Variants in CPEB1 observed in about 807,000 individuals in gnomAD.
CPEB1 encodes the protein cytoplasmic polyadenylation element binding protein 1.
In CPEB1, 7 loss-of-function variants were observed where a neutral mutation model predicts 65.8. That is an observed-to-expected ratio of 0.11 (90% CI 0.06 to 0.20). The LOEUF is 0.20. CPEB1 is among the 10% of genes least tolerant of loss of function. CPEB1 has a pLI of 1.00. For synonymous variants in CPEB1, 262 were observed against 260.0 expected, an observed-to-expected ratio of 1.01 and a Z score of -0.08; for missense variants, 551 against 712.2, an observed-to-expected ratio of 0.77 and a Z score of 2.58.
At chr15:82,588,596 C>A (rs1240100439) in intron 3 of CPEB1, among the ~76,000 whole-genome samples, 2 of 152,108 alleles carry the variant, frequency 1.3e-5, no homozygotes, top group Non-Finnish European at 2.9e-5. Context: ...CAGGCTGCTT[C>A]TAGTAGTTTT....
intron 2 of CPEB1, chr15:82,628,154 A>G: frequency 7.2e-6 from 5 of 697,880 alleles, no homozygotes; most frequent in South Asian, 6.0e-5. Context: ...CAATGCCATC[A>G]TTGTTACAGA....
At chr15:82,589,294 GCTGA>G (rs1282404735) in intron 3 of CPEB1, among the ~76,000 whole-genome samples, 1 of 152,184 alleles carries the variant, frequency 6.6e-6, no homozygotes, top group African/African-American at 2.4e-5. Flanking sequence ...TCTCTACATG[GCTGA>G]CTACTTGTTA....
chr15:82,613,690 A>T (rs1292023830), intron 3 of CPEB1, among the ~76,000 whole-genome samples: 1 of 152,206 alleles, frequency 6.6e-6, no homozygotes, highest in Non-Finnish European at 1.5e-5. Context: ...CTCTTGGCAA[A>T]GTCTGAAAAG....
rs191420698 is a variant in CPEB1 at position 82,564,445 on chromosome 15, C to G, written c.461-6459G>C. Among the ~76,000 whole-genome samples, 6 of 151,174 alleles carry G rather than the reference C, an allele frequency of 4.0e-5. No homozygotes were observed. The East Asian group carries it at 1.2e-3, about 29-fold the overall frequency. On this transcript the variant is annotated intron_variant, in intron 4 of 12. Transcript: ENST00000684509. ...GGACTACAGGCACCTGCCACCACAC[C>G]CGGCTAATTTTGTGTGTGTGTGTGT...
Position 82,591,181 on chromosome 15 carries a change from T to A in CPEB1, c.272-19649A>T, listed in dbSNP as rs187556914. 4.9e-3 allele frequency among the ~76,000 whole-genome samples: 744 copies of A among 152,212 alleles called. 4 individuals carry two copies. The highest frequency in any genetic ancestry group is 6.5e-3 in the Non-Finnish European group (445 of 68,000). ...CCCCCCCGCCACAATCTTACCAGCA[T>A]CTATTATTTAACTTTTTAATTGTAG... On this transcript the variant is annotated intron_variant, in intron 3 of 12. Transcript: ENST00000684509.
chr15:82,612,244 C>G (rs2044228905), intron 3 of CPEB1, among the ~76,000 whole-genome samples: 1 of 152,026 alleles, frequency 6.6e-6, no homozygotes, highest in Non-Finnish European at 1.5e-5. Context: ...TGCCTATAAT[C>G]CCAGCACTTT....
intron 3 of CPEB1, among the ~76,000 whole-genome samples, chr15:82,605,070 G>T (rs1280543150): frequency 6.6e-6 from 1 of 152,152 alleles, no homozygotes; most frequent in Non-Finnish European, 1.5e-5. Context: ...AGAAATTGTG[G>T]AGCCAGAAGG....
upstream of CPEB1, chr15:82,647,991 T>C (rs1342051200): frequency 3.9e-6 from 3 of 774,636 alleles, no homozygotes; most frequent in Non-Finnish European, 5.2e-6. Context: ...CCCGGCAGCT[T>C]ATGAAGCTCC....
intron 3 of CPEB1, among the ~76,000 whole-genome samples, chr15:82,602,033 T>G (rs1420932137): frequency 6.6e-6 from 1 of 152,180 alleles, no homozygotes; most frequent in Non-Finnish European, 1.5e-5. Context: ...AACAGAACAC[T>G]GCATCCAACA....
chr15:82,614,412 CA>C (rs2044490211), intron 3 of CPEB1, among the ~76,000 whole-genome samples: 1 of 152,124 alleles, frequency 6.6e-6, no homozygotes, highest in Non-Finnish European at 1.5e-5. Context: ...CTATGTTTAA[CA>C]ATTTGGAAAA....
intron 3 of CPEB1, among the ~76,000 whole-genome samples, chr15:82,574,678 G>A (rs1172813798): frequency 2.3e-5 from 3 of 131,052 alleles, no homozygotes; most frequent in African/African-American, 5.8e-5. Flanking sequence ...AGCCAAGATC[G>A]TGCCACTGCA....
At chr15:82,569,180 T>C (rs2039635679) in intron 4 of CPEB1, among the ~76,000 whole-genome samples, 1 of 152,210 alleles carries the variant, frequency 6.6e-6, no homozygotes, top group African/African-American at 2.4e-5. Flanking sequence ...GGGTGCACGA[T>C]CTGGCACTGC....
At chr15:82,547,284 T>C (rs377016068) in intron 10 of CPEB1, 47 bp from the exon 11 acceptor site, 6 of 837,838 alleles carry the variant, frequency 7.2e-6, no homozygotes, top group African/African-American at 1.8e-5. Flanking sequence ...TTCTCCCAAA[T>C]GCTACTTTTT....
chr15:82,567,758 G>T (rs1180685859), intron 4 of CPEB1, among the ~76,000 whole-genome samples: 1 of 152,198 alleles, frequency 6.6e-6, no homozygotes, highest in Non-Finnish European at 1.5e-5. Flanking sequence ...CATCTGGTCT[G>T]CCCACTGGGC....
chr15:82,610,563 A>G (rs2044032769), intron 3 of CPEB1, among the ~76,000 whole-genome samples: 1 of 150,890 alleles, frequency 6.6e-6, no homozygotes, highest in Non-Finnish European at 1.5e-5. Flanking sequence ...GAACAAAAGT[A>G]AAAAAAAATC....
intron 3 of CPEB1, among the ~76,000 whole-genome samples, chr15:82,602,411 T>C (rs2151198506): frequency 6.6e-6 from 1 of 152,298 alleles, no homozygotes; most frequent in East Asian, 1.9e-4. Flanking sequence ...GGGCCAAGAA[T>C]GGTGACTCAT....
chr15:82,614,867 GTGTGTGTGTGTGTA>G (rs1459720017), intron 3 of CPEB1, among the ~76,000 whole-genome samples: 11 of 120,454 alleles, frequency 9.1e-5, no homozygotes, highest in Non-Finnish European at 1.1e-4. Context: ...GTGTGTGTGT[GTGTGTGTGTGTGTA>G]TATATATATA....
intron 9 of CPEB1, among the ~76,000 whole-genome samples, chr15:82,552,074 A>C (rs1276246407): frequency 6.6e-6 from 1 of 152,238 alleles, no homozygotes; most frequent in Non-Finnish European, 1.5e-5. Context: ...GGGAGGTCAC[A>C]AGGCACAGGA....
chr15:82,647,446 G>A (rs1199629867), upstream of CPEB1: 6 of 166,130 alleles, frequency 3.6e-5, no homozygotes, highest in Non-Finnish European at 7.7e-5. Context: ...CCCGCAGGGG[G>A]CGTGAGCTTC....
Sources: allele counts gnomAD v4.1 joint callset (sites outside exome capture counted in the v4.1 genomes callset), GRCh38; gene constraint gnomAD v4.1.1; transcripts MANE v1.5; gene names NCBI Gene and HGNC (gene_info 2026-07-23, HGNC 2026-07-21).